CMTM3: variants seen among roughly 807,000 people sequenced by gnomAD.
CMTM3 encodes the protein CKLF-like MARVEL transmembrane domain-containing protein 3.
Under a neutral mutation model 18.2 loss-of-function variants are expected in CMTM3, and 7 were observed. That is an observed-to-expected ratio of 0.38 (90% CI 0.22 to 0.72). The LOEUF is 0.72. Ranked by LOEUF, CMTM3 falls within the 30% of genes least tolerant of loss-of-function variation. CMTM3 has a pLI of 0.46. For missense variants in CMTM3, 227 were observed against 249.2 expected (o/e 0.91, Z 0.60); for synonymous variants, 109 against 111.2 (o/e 0.98, Z 0.12).
intron 1 of CMTM3, among the ~76,000 whole-genome samples, chr16:66,607,255 G>A (rs1169019586): frequency 1.3e-5 from 2 of 152,200 alleles, no homozygotes; most frequent in East Asian, 3.9e-4. Context: ...ACATCCTCCT[G>A]CATCAGCTCT....
chr16:66,609,487 C>G lies in CMTM3; in HGVS notation c.356C>G (p.Thr119Arg), dbSNP rs545909802. ...AALIYFAISI[T>R]AIAKYSDGAS... Reference sequence around the variant, plus strand: ...CTCATCTACTTTGCTATCTCCATCACGGCCATCGCCAAGTACTCGGATGGG... The same window carrying G: ...CTCATCTACTTTGCTATCTCCATCAGGGCCATCGCCAAGTACTCGGATGGG... Residue 119 changes from threonine (T) to arginine (R), a missense_variant, in exon 3 of 5, where the codon ACG becomes AGG. Thr to Arg is a moderately conservative substitution (Grantham distance 71). Coordinates refer to ENST00000567572, the MANE Select transcript of CMTM3 (RefSeq NM_181553.4). This position sits in a 1 kb window ranked among gnomAD's most constrained non-coding sequence, Gnocchi z 4.4. 2.9e-5 allele frequency: 46 copies of G among 1,611,360 alleles called. No homozygotes were observed. Among genetic ancestry groups the G allele is most frequent in the Admixed American group, 1.0e-4 (6 of 59,668 alleles).
At chr16:66,607,524 G>A (rs1049625664) in intron 1 of CMTM3, among the ~76,000 whole-genome samples, 3 of 152,072 alleles carry the variant, frequency 2.0e-5, no homozygotes, top group Non-Finnish European at 2.9e-5. Flanking sequence ...AAAATAAATT[G>A]CAGACATCAG....
rs192862763 is a variant in CMTM3 at position 66,613,211 on chromosome 16, G to A, written c.*574G>A. On this transcript the variant is annotated 3_prime_UTR_variant, in exon 5 of 5. Coordinates refer to ENST00000567572, the MANE Select transcript of CMTM3 (RefSeq NM_181553.4). ...AATTGACCTTTGCCTTGTCGCCCAGGAAGTGGGGCTCGGCACCCATAACTA... is the reference window on the plus strand; with the variant it reads ...AATTGACCTTTGCCTTGTCGCCCAGAAAGTGGGGCTCGGCACCCATAACTA... 15 of 692,164 alleles carry A rather than the reference G, an allele frequency of 2.2e-5. No homozygotes were observed. Among genetic ancestry groups the A allele is most frequent in the Non-Finnish European group, 3.4e-5 (13 of 378,482 alleles). The allele number at this position is 692,164 out of a possible 1,614,324, so 42.9% of individuals were successfully genotyped here.
chr16:66,604,756 G>A lies in CMTM3; in HGVS notation c.-50G>A, dbSNP rs2015061934. On this transcript the variant is annotated 5_prime_UTR_variant, in exon 1 of 5. Coordinates refer to ENST00000567572, the MANE Select transcript of CMTM3 (RefSeq NM_181553.4). ...CCCGGGTTTCCGCTTCCCTCCGGGCGCGAGAAGAGGGGAGCCAGGCCGAGC... is the reference window on the plus strand; with the variant it reads ...CCCGGGTTTCCGCTTCCCTCCGGGCACGAGAAGAGGGGAGCCAGGCCGAGC... The A allele has an allele frequency of 2.5e-6, 3 of 1,210,200 alleles. No homozygotes were observed. Among genetic ancestry groups the A allele is most frequent in the African/African-American group, 1.6e-5 (1 of 63,212 alleles). 75.0% of individuals were successfully genotyped at this position (1,210,200 alleles called of 1,614,324 possible). A position where few individuals can be genotyped will look rare whatever the true frequency, so the allele number is the denominator to read the frequency against.
Position 66,605,388 on chromosome 16 carries a change from C to A in CMTM3, c.147+436C>A, listed in dbSNP as rs576222051. 23 of 155,402 alleles carry A rather than the reference C, an allele frequency of 1.5e-4. No homozygotes were observed. Among genetic ancestry groups the A allele is most frequent in the African/African-American group, 5.0e-4 (21 of 41,716 alleles). The allele number at this position is 155,402 out of a possible 1,614,324, so 9.6% of individuals were successfully genotyped here. A position where few individuals can be genotyped will look rare whatever the true frequency, so the allele number is the denominator to read the frequency against. On this transcript the variant is annotated intron_variant, in intron 1 of 4. Transcript: ENST00000567572. This position sits in a 1 kb window ranked among gnomAD's most constrained non-coding sequence, Gnocchi z 4.6. ...CCTGCGGGGCCGAGCCGGCGGGGGG[C>A]CGTGCGGAGCGGGAGGGATCCCCCA...
rs959528454 is a variant in CMTM3 at position 66,608,492 on chromosome 16, G to T, written c.303+28G>T. 27 of 1,611,002 alleles carry T rather than the reference G, an allele frequency of 1.7e-5. No homozygotes were observed. Among genetic ancestry groups the T allele is most frequent in the Non-Finnish European group, 2.1e-5 (25 of 1,179,530 alleles). Reference sequence around the variant, plus strand: ...GAGGACAGGGGCCCCAGGAGGGAGGGGTGCCCTGCACAAAGTGGCCAGATG... The same window carrying T: ...GAGGACAGGGGCCCCAGGAGGGAGGTGTGCCCTGCACAAAGTGGCCAGATG... On this transcript the variant is annotated intron_variant, in intron 2 of 4. Transcript: ENST00000567572. The surrounding 1 kb of genome is among the most constrained non-coding windows in gnomAD (Gnocchi z 5.1).
chr16:66,612,040 G>A lies in CMTM3; in HGVS notation c.521-569G>A, dbSNP rs1004888964. Among the ~76,000 whole-genome samples, 2 of 152,160 alleles carry A rather than the reference G, an allele frequency of 1.3e-5. No homozygotes were observed. Among genetic ancestry groups the A allele is most frequent in the African/African-American group, 4.8e-5 (2 of 41,434 alleles). Reference sequence around the variant, plus strand: ...CCCAGGGAGACTCCGGAGGGGCTGGGCCTGAGGAAGGGGCACCTGGGCTTC... The same window carrying A: ...CCCAGGGAGACTCCGGAGGGGCTGGACCTGAGGAAGGGGCACCTGGGCTTC... On this transcript the variant is annotated intron_variant, in intron 4 of 4. Coordinates refer to ENST00000567572, the MANE Select transcript of CMTM3 (RefSeq NM_181553.4). The surrounding 1 kb of genome is among the most constrained non-coding windows in gnomAD (Gnocchi z 6.0).
At position 66,610,920 on chromosome 16, in the gene CMTM3, T is replaced by C. The variant is rs2015352671; in HGVS notation, c.520+917T>C. 1 of 398,514 alleles carries C rather than the reference T, an allele frequency of 2.5e-6. No individual in the cohort carries two copies. Among genetic ancestry groups the C allele is most frequent in the South Asian group, 1.3e-4 (1 of 7,854 alleles). 24.7% of individuals were successfully genotyped at this position (398,514 alleles called of 1,614,324 possible). On this transcript the variant is annotated intron_variant, in intron 4 of 4. Transcript: ENST00000567572. This position sits in a 1 kb window ranked among gnomAD's most constrained non-coding sequence, Gnocchi z 4.6. ...TTCTGCTGAAAATGAATGCCACTCA[T>C]CCCATCCCGTCCCTTGGCAAATATT...
chr16:66,610,153 G>T lies in CMTM3; in HGVS notation c.520+150G>T. 1 of 969,090 alleles carries T rather than the reference G, an allele frequency of 1.0e-6. No individual in the cohort carries two copies. 60.0% of individuals were successfully genotyped at this position (969,090 alleles called of 1,614,324 possible). On this transcript the variant is annotated intron_variant, in intron 4 of 4. Transcript: ENST00000567572. This position sits in a 1 kb window ranked among gnomAD's most constrained non-coding sequence, Gnocchi z 4.6. ...ACAGCCCATTCTCACCTACCCTCAT[G>T]CAGCACTGATCCAAAGCCAGTCCCA...
chr16:66,609,089 G>C lies in CMTM3; in HGVS notation c.304-346G>C, dbSNP rs1442286870. Among the ~76,000 whole-genome samples the C allele has an allele frequency of 1.3e-5, 2 of 152,238 alleles. No individual in the cohort carries two copies. Among genetic ancestry groups the C allele is most frequent in the Non-Finnish European group, 2.9e-5 (2 of 68,038 alleles). On this transcript the variant is annotated intron_variant, in intron 2 of 4. Transcript: ENST00000567572. This position sits in a 1 kb window ranked among gnomAD's most constrained non-coding sequence, Gnocchi z 4.4. ...GAGTGTGACAAAGCCGAGGCCCAGA[G>C]CCAGATCTCCCCAATGGAGAGCGGG...
chr16:66,611,546 G>T (rs1231266376), intron 4 of CMTM3, among the ~76,000 whole-genome samples: 1 of 152,154 alleles, frequency 6.6e-6, no homozygotes, highest in Non-Finnish European at 1.5e-5. Flanking sequence ...GGACTAGGCT[G>T]CCCACACCCC....
In CMTM3 at chr16:66,604,825, A is replaced by AC. The variant is rs2015066693; in HGVS notation, c.24dup (p.Asp9ArgfsTer77). ...GCCGCCATGTGGCCCCCAGACCCCGACCCCGACCCGGACCCCGAGCCTGCC... is the reference window on the plus strand; with the variant it reads ...GCCGCCATGTGGCCCCCAGACCCCGACCCCCGACCCGGACCCCGAGCCTGCC... On this transcript the variant is annotated frameshift_variant, in exon 1 of 5. Transcript: ENST00000567572. LOFTEE classifies it high-confidence loss of function. 3.1e-6 allele frequency: 4 copies of AC among 1,309,404 alleles called. No individual in the cohort carries two copies. In the African/African-American group the frequency reaches 6.2e-5, roughly 20 times the overall value. 81.1% of individuals were successfully genotyped at this position (1,309,404 alleles called of 1,614,324 possible).
In CMTM3 at chr16:66,609,990, C is replaced by T. The variant is rs2015314871; in HGVS notation, c.507C>T (p.Ala169=). ...GGGACTCTGCAGATGAGACCACAGC[C>T]CACAAGACAGAAGGTAAGCGGCTGC... ...KQGDSADETT[A]HKTEEENSDS... is the part of the protein sequence containing the mutation. The change falls in exon 4 of 5, where the codon GCC becomes GCT. Residue 169 remains alanine, a synonymous_variant. Transcript: ENST00000567572. The surrounding 1 kb of genome is among the most constrained non-coding windows in gnomAD (Gnocchi z 4.4). 1.9e-6 allele frequency: 3 copies of T among 1,614,168 alleles called. No homozygotes were observed.
rs1157927760 is a variant in CMTM3, at chr16:66,604,734, G to T, written c.-72G>T. ...CGCCTGCCCTCCTTCCGCACAGCCC[G>T]GGTTTCCGCTTCCCTCCGGGCGCGA... On this transcript the variant is annotated 5_prime_UTR_variant, in exon 1 of 5. Transcript: ENST00000567572. 2.0e-5 allele frequency: 23 copies of T among 1,150,960 alleles called. No homozygotes were observed. Among genetic ancestry groups the T allele is most frequent in the Admixed American group, 8.9e-5 (2 of 22,530 alleles). 71.3% of individuals were successfully genotyped at this position (1,150,960 alleles called of 1,614,324 possible).
upstream of CMTM3, chr16:66,604,609 C>A (rs564524758): frequency 2.6e-6 from 1 of 383,224 alleles, no homozygotes; most frequent in Non-Finnish European, 4.4e-6. Context: ...GCCCAGCATC[C>A]CCCGCAGCCG....
intron 1 of CMTM3, among the ~76,000 whole-genome samples, chr16:66,606,853 T>G (rs2015174549): frequency 6.6e-6 from 1 of 151,908 alleles, no homozygotes; most frequent in South Asian, 2.1e-4. Context: ...ATTAGCTGGG[T>G]TTGGTGGCGG....
chr16:66,613,319 AGACT>A lies in CMTM3; in HGVS notation c.*688_*691del. On this transcript the variant is annotated 3_prime_UTR_variant, in exon 5 of 5. Coordinates refer to ENST00000567572, the MANE Select transcript of CMTM3 (RefSeq NM_181553.4). ...AAGACTGTTTCAAAGAAGAGCTCAT[AGACT>A]GACTGGTCCAGAAGACAGAGGGTAC... 2 of 588,456 alleles carry A rather than the reference AGACT, an allele frequency of 3.4e-6. No homozygotes were observed. Among genetic ancestry groups the A allele is most frequent in the South Asian group, 2.0e-5 (1 of 49,818 alleles). 36.5% of individuals were successfully genotyped at this position (588,456 alleles called of 1,614,324 possible).
chr16:66,607,430 A>G (rs145857716), intron 1 of CMTM3, among the ~76,000 whole-genome samples: 114 of 152,360 alleles, frequency 7.5e-4, no homozygotes, highest in African/African-American at 2.7e-3. Flanking sequence ...TCTTATCATT[A>G]TGAAAATTTG....
Position 66,608,400 on chromosome 16 carries a change from A to C in CMTM3, c.239A>C (p.Tyr80Ser). 2.5e-6 allele frequency: 4 copies of C among 1,614,150 alleles called. No individual in the cohort carries two copies. In the South Asian group the frequency reaches 4.4e-5, roughly 18 times the overall value. Residue 80 changes from tyrosine (Y) to serine (S), a missense_variant, in exon 2 of 5, where the codon TAC becomes TCC. Physicochemically the swap from Tyr to Ser is moderately radical, Grantham distance 144. Transcript: ENST00000567572. The surrounding 1 kb of genome is among the most constrained non-coding windows in gnomAD (Gnocchi z 5.1). ...APLLEFLLAL[Y>S]FLFADAMQLN... ...CTGCTGGAGTTCCTGCTGGCCTTGT[A>C]CTTCCTCTTTGCTGATGCCATGCAG...
Sources: gnomAD v4.1 joint callset for allele counts (sites outside exome capture counted in the v4.1 genomes callset) on GRCh38, gnomAD v4.1.1 for gene constraint, Gnocchi (gnomAD v3.1) non-coding constraint, MANE v1.5 for transcripts, NCBI Gene and HGNC (gene_info 2026-07-23, HGNC 2026-07-21) for gene names.